The following KIRREL3 variants were observed in gnomAD, a reference collection of about 807,000 sequenced individuals.
KIRREL3 encodes the protein kirre like nephrin family adhesion molecule 3.
KIRREL3 carries 36 observed loss-of-function variants against 89.7 expected under a neutral mutation model. That is an observed-to-expected ratio of 0.40 (90% CI 0.31 to 0.53). The LOEUF is 0.53. Among genes scored for constraint, KIRREL3 ranks in the 20% least tolerant of loss-of-function variants. KIRREL3 has a pLI of 0.49. For synonymous variants in KIRREL3, 445 were observed against 441.4 expected, an observed-to-expected ratio of 1.01 and a Z score of -0.10; for missense variants, 864 against 1,056.6, an observed-to-expected ratio of 0.82 and a Z score of 2.53.
chr11:126,779,264 G>A (rs1025182447), intron 1 of KIRREL3, among the ~76,000 whole-genome samples: 31 of 152,056 alleles, frequency 2.0e-4, no homozygotes, highest in African/African-American at 6.8e-4. Context: ...CTTTATCCCC[G>A]ACAGATCTCA....
intron 1 of KIRREL3, among the ~76,000 whole-genome samples, chr11:126,873,860 G>A (rs1322549147): frequency 2.6e-5 from 4 of 152,164 alleles, no homozygotes; most frequent in Non-Finnish European, 4.4e-5. Flanking sequence ...GAACACCAAC[G>A]TATGGAATTA....
rs1269444055 is a variant in KIRREL3, at chr11:126,654,304, C to T, written c.56-91392G>A. 4.0e-5 allele frequency among the ~76,000 whole-genome samples: 6 copies of T among 151,026 alleles called. No individual in the cohort carries two copies. In the East Asian group the frequency reaches 5.8e-4, roughly 15 times the overall value. On this transcript the variant is annotated intron_variant, in intron 1 of 16. Transcript: ENST00000525144. ...CAGTGATAGAATGTAAAGTCAACCC[C>T]GAGAAGATGGATCTAGGATACCTAA...
chr11:126,849,620 A>G (rs1458551625), intron 1 of KIRREL3, among the ~76,000 whole-genome samples: 1 of 152,178 alleles, frequency 6.6e-6, no homozygotes, highest in African/African-American at 2.4e-5. Flanking sequence ...CAGCTGCAGA[A>G]GGAGAAAGGC....
At chr11:126,435,487 ACT>A (rs987362817) in intron 12 of KIRREL3, among the ~76,000 whole-genome samples, 184 bp from the exon 13 acceptor site, 2 of 138,846 alleles carry the variant, frequency 1.4e-5, no homozygotes, top group Non-Finnish European at 3.0e-5. Flanking sequence ...TGACTTAGAG[ACT>A]CTGGAGGGGC....
chr11:126,975,174 T>C (rs1949534034), intron 1 of KIRREL3, among the ~76,000 whole-genome samples: 1 of 152,178 alleles, frequency 6.6e-6, no homozygotes, highest in African/African-American at 2.4e-5. Context: ...GACCAACAGC[T>C]ATGTGGCACC....
intron 7 of KIRREL3, among the ~76,000 whole-genome samples, chr11:126,451,417 C>G (rs548588785): frequency 1.0e-3 from 137 of 137,482 alleles, no homozygotes; most frequent in South Asian, 2.2e-3. Flanking sequence ...CATGTGTGTG[C>G]ATGTGTGAGC....
intron 1 of KIRREL3, among the ~76,000 whole-genome samples, chr11:126,979,186 A>G (rs528594631): frequency 6.6e-6 from 1 of 152,332 alleles, no homozygotes; most frequent in East Asian, 1.9e-4. Context: ...CACAGACCAC[A>G]TCTGCCTTTG....
rs1169442324 is a variant in KIRREL3 at position 126,954,063 on chromosome 11, GGGTCTAATTCTCCCCAGGGTC to G, written c.55+46371_55+46391del. Among the ~76,000 whole-genome samples, 6 of 152,122 alleles carry G rather than the reference GGGTCTAATTCTCCCCAGGGTC, an allele frequency of 3.9e-5. No homozygotes were observed. Among genetic ancestry groups the G allele is most frequent in the African/African-American group, 1.2e-4 (5 of 41,506 alleles). On this transcript the variant is annotated intron_variant, in intron 1 of 16. Coordinates refer to ENST00000525144, the MANE Select transcript of KIRREL3 (RefSeq NM_032531.4). The surrounding 1 kb of genome is among the most constrained non-coding windows in gnomAD (Gnocchi z 4.1). ...ACATGCGTGTGCATGTGTACATGCG[GGGTCTAATTCTCCCCAGGGTC>G]GGTCTGTGAGCGCCTCTAATACCCT...
In KIRREL3 at chr11:126,995,187, A is replaced by G. The variant is rs900450205; in HGVS notation, c.55+5268T>C. ...AATCCAAGGGAACTGTTAGCCCCCC[A>G]GAGCAGCTGCTCCCACCGACCCTGC... is the stretch of plus-strand genomic sequence containing the variant. On this transcript the variant is annotated intron_variant, in intron 1 of 16. Transcript: ENST00000525144. The surrounding 1 kb of genome is among the most constrained non-coding windows in gnomAD (Gnocchi z 6.5). 26 of 456,096 alleles carry G rather than the reference A, an allele frequency of 5.7e-5. No individual in the cohort carries two copies. Among genetic ancestry groups the G allele is most frequent in the African/African-American group, 4.4e-4 (22 of 50,074 alleles). The allele number at this position is 456,096 out of a possible 1,614,324, so 28.3% of individuals were successfully genotyped here. A position where few individuals can be genotyped will look rare whatever the true frequency, so the allele number is the denominator to read the frequency against.
In KIRREL3 at chr11:126,734,044, T is replaced by C. The variant is rs1948721833; in HGVS notation, c.56-171132A>G. On this transcript the variant is annotated intron_variant, in intron 1 of 16. Transcript: ENST00000525144. The surrounding 1 kb of genome is among the most constrained non-coding windows in gnomAD (Gnocchi z 5.9). ...CGTCTGCCTCTCAAGGTGTGGGCTG[T>C]CAGCATGAGGATCACCTGGGAGCCC... Among the ~76,000 whole-genome samples, 1 of 152,150 alleles carries C rather than the reference T, an allele frequency of 6.6e-6. No individual in the cohort carries two copies. The highest frequency in any genetic ancestry group is 1.5e-5 in the Non-Finnish European group (1 of 68,034).
In KIRREL3 at chr11:126,462,168, C is replaced by T. The variant is rs1448099370; in HGVS notation, c.742+989G>A. ...GTTGTGGGATGCGATGCTGGTGGAG[C>T]CCTGAAGCATCATAACTGTCAACAT... On this transcript the variant is annotated intron_variant, in intron 6 of 16. Coordinates refer to ENST00000525144, the MANE Select transcript of KIRREL3 (RefSeq NM_032531.4). The surrounding 1 kb of genome is among the most constrained non-coding windows in gnomAD (Gnocchi z 4.8). Among the ~76,000 whole-genome samples the T allele has an allele frequency of 6.6e-6, 1 of 152,068 alleles. No individual in the cohort carries two copies. Among genetic ancestry groups the T allele is most frequent in the Non-Finnish European group, 1.5e-5 (1 of 68,008 alleles).
chr11:126,869,093 C>G (rs1413680356), intron 1 of KIRREL3, among the ~76,000 whole-genome samples: 1 of 151,638 alleles, frequency 6.6e-6, no homozygotes, highest in Non-Finnish European at 1.5e-5. Flanking sequence ...AACATTCAGT[C>G]CATTGTATCT....
At chr11:126,426,704 A>G (rs927969492) in intron 15 of KIRREL3, among the ~76,000 whole-genome samples, 3 of 152,180 alleles carry the variant, frequency 2.0e-5, no homozygotes, top group East Asian at 3.8e-4. Flanking sequence ...CGGTATAGGT[A>G]GTAGGTTCCC....
At chr11:126,671,675 A>G (rs1218858703) in intron 1 of KIRREL3, among the ~76,000 whole-genome samples, 2 of 152,242 alleles carry the variant, frequency 1.3e-5, no homozygotes, top group African/African-American at 4.8e-5. Context: ...GAAACATATC[A>G]AAAGATGATC....
At chr11:126,988,179 A>C (rs957842663) in intron 1 of KIRREL3, among the ~76,000 whole-genome samples, 2 of 152,096 alleles carry the variant, frequency 1.3e-5, no homozygotes, top group Admixed American at 1.3e-4. Context: ...TTATTTATTT[A>C]TTTCTTAATC....
intron 4 of KIRREL3, among the ~76,000 whole-genome samples, chr11:126,493,654 C>A (rs866002784): frequency 3.4e-3 from 278 of 82,150 alleles, no homozygotes; most frequent in Non-Finnish European, 3.6e-3. Flanking sequence ...GACTCTGTCT[C>A]AAAAAAAAAA....
At chr11:126,426,492 G>C (rs1011124512) in intron 15 of KIRREL3, among the ~76,000 whole-genome samples, 1 of 150,346 alleles carries the variant, frequency 6.7e-6, no homozygotes, top group African/African-American at 2.4e-5. Flanking sequence ...ATATACAATA[G>C]AGCTGCTTCA....
chr11:126,572,751 T>A (rs1241472607), intron 1 of KIRREL3, among the ~76,000 whole-genome samples: 1 of 151,940 alleles, frequency 6.6e-6, no homozygotes, highest in African/African-American at 2.4e-5. Flanking sequence ...CTACTCAGGG[T>A]GTGCAGGCAG....
intron 1 of KIRREL3, among the ~76,000 whole-genome samples, chr11:126,923,139 T>C (rs1410723743): frequency 0.27 from 6,559 of 24,600 alleles, 1,029 homozygotes; most frequent in Middle Eastern, 0.32. Flanking sequence ...CTCTTCTTCT[T>C]CTTCTTCTTC....
Sources: allele counts gnomAD v4.1 joint callset (sites outside exome capture counted in the v4.1 genomes callset), GRCh38; gene constraint gnomAD v4.1.1; non-coding constraint Gnocchi (gnomAD v3.1); transcripts MANE v1.5; gene names NCBI Gene and HGNC (gene_info 2026-07-23, HGNC 2026-07-21).